CNTNAP5: variants seen among roughly 807,000 people sequenced by gnomAD.
The protein encoded by CNTNAP5 is contactin associated protein family member 5.
Under a neutral mutation model 150.2 loss-of-function variants are expected in CNTNAP5, and 72 were observed. The observed-to-expected ratio is 0.48, with a 90% CI of 0.40 to 0.58. The LOEUF (loss-of-function observed/expected upper bound fraction) is 0.58, where lower values mean the gene tolerates loss of function less well. Among genes scored for constraint, CNTNAP5 ranks in the 20% least tolerant of loss-of-function variants. The probability of loss-of-function intolerance (pLI) is 0.00; values close to 1 mark genes in which losing one functional copy is unlikely to be tolerated. For missense variants in CNTNAP5, 1,636 were observed against 1,626.2 expected, an observed-to-expected ratio of 1.01 and a Z score of -0.10; for synonymous variants, 672 against 619.8, an observed-to-expected ratio of 1.08 and a Z score of -1.25.
At chr2:124,088,925 A>G (rs1435134155) in intron 1 of CNTNAP5, among the ~76,000 whole-genome samples, 1 of 152,176 alleles carries the variant, frequency 6.6e-6, no homozygotes, top group Non-Finnish European at 1.5e-5. Flanking sequence ...TGGGTGTTTA[A>G]CCAGTCACAG....
intron 1 of CNTNAP5, among the ~76,000 whole-genome samples, chr2:124,055,657 C>T (rs1042595941): frequency 7.9e-5 from 12 of 152,074 alleles, no homozygotes; most frequent in Non-Finnish European, 1.5e-4. Context: ...CCCATCCTGA[C>T]CTGGACCTCA....
chr2:124,431,991 C>T (rs1573991348), intron 4 of CNTNAP5, among the ~76,000 whole-genome samples: 1 of 152,182 alleles, frequency 6.6e-6, no homozygotes, highest in Middle Eastern at 3.4e-3. Flanking sequence ...CAAGGGACCC[C>T]ACCTGCCATG....
chr2:124,855,860 C>G (rs184314714), intron 19 of CNTNAP5, among the ~76,000 whole-genome samples: 1 of 152,112 alleles, frequency 6.6e-6, no homozygotes, highest in African/African-American at 2.4e-5. Flanking sequence ...TATCCCTCAT[C>G]CCCCTTTCAC....
intron 13 of CNTNAP5, among the ~76,000 whole-genome samples, chr2:124,648,416 G>A (rs530681280): frequency 1.3e-5 from 2 of 152,152 alleles, no homozygotes; most frequent in South Asian, 4.1e-4. Context: ...TAAGGGGGCA[G>A]TGTTAGGCAG....
intron 3 of CNTNAP5, among the ~76,000 whole-genome samples, chr2:124,324,861 T>G (rs1449661135): frequency 6.6e-6 from 1 of 152,170 alleles, no homozygotes; most frequent in Non-Finnish European, 1.5e-5. Flanking sequence ...AAGGTTTTTG[T>G]AGTTCTATGA....
At chr2:124,315,638 A>T (rs576862634) in intron 3 of CNTNAP5, among the ~76,000 whole-genome samples, 1 of 152,086 alleles carries the variant, frequency 6.6e-6, no homozygotes, top group Non-Finnish European at 1.5e-5. Flanking sequence ...ATCTTGTTCA[A>T]CTTCTTTCTC....
At chr2:124,744,907 A>T (rs973994858) in intron 13 of CNTNAP5, among the ~76,000 whole-genome samples, 2 of 152,188 alleles carry the variant, frequency 1.3e-5, no homozygotes, top group African/African-American at 4.8e-5. Flanking sequence ...AAATCTAGCA[A>T]TAATCCTCCG....
At chr2:124,866,039 G>A (rs1159646483) in intron 20 of CNTNAP5, among the ~76,000 whole-genome samples, 1 of 150,402 alleles carries the variant, frequency 6.6e-6, no homozygotes, top group African/African-American at 2.5e-5. Flanking sequence ...TGAGGCAGGT[G>A]GATCACAAAG....
At chr2:124,242,539 G>T (rs1686913707) in intron 3 of CNTNAP5, 146 bp downstream of exon 3, 1 of 745,976 alleles carries the variant, frequency 1.3e-6, no homozygotes, top group East Asian at 2.7e-5. Context: ...AATTTTTAAG[G>T]CCCATGCCCG....
At position 124,587,226 on chromosome 2, in the gene CNTNAP5, C is replaced by T. The variant is rs57566555; in HGVS notation, c.1757-22575C>T. Among the ~76,000 whole-genome samples the T allele has an allele frequency of 6.5e-3, 995 of 152,204 alleles. 11 individuals are homozygous for T. The highest frequency in any genetic ancestry group is 0.023 in the African/African-American group (948 of 41,528). ...GTGCTATAATCATCTGTTCCATGACCATCTCCCTGTGCTGAATACATTTCT... is the reference window on the plus strand; with the variant it reads ...GTGCTATAATCATCTGTTCCATGACTATCTCCCTGTGCTGAATACATTTCT... On this transcript the variant is annotated intron_variant, in intron 11 of 23. Transcript: ENST00000682447.
At chr2:124,038,026 G>A (rs73954359) in intron 1 of CNTNAP5, among the ~76,000 whole-genome samples, 1,574 of 152,154 alleles carry the variant, frequency 0.01, 32 homozygotes, top group African/African-American at 0.036. Flanking sequence ...TTGTCTTCAC[G>A]CTGCAAGATT....
rs542566303 is a variant in CNTNAP5 at position 124,468,490 on chromosome 2, A to G, written c.919-6249A>G. 3.3e-5 allele frequency among the ~76,000 whole-genome samples: 5 copies of G among 152,172 alleles called. No homozygotes were observed. The East Asian group carries it at 9.7e-4, about 30-fold the overall frequency. The stretch of plus-strand genomic sequence containing the variant: ...CCATCTTCTTCTGTCTGGTTTTTCT[A>G]GCAGTTCCGGCAGTTGACTAGATGG... On this transcript the variant is annotated intron_variant, in intron 6 of 23. Coordinates refer to ENST00000682447, the MANE Select transcript of CNTNAP5 (RefSeq NM_001367498.1).
chr2:124,066,366 T>C (rs1682154481), intron 1 of CNTNAP5, among the ~76,000 whole-genome samples: 1 of 152,190 alleles, frequency 6.6e-6, no homozygotes. Context: ...ACATTGTACA[T>C]TTGGAGATTA....
intron 1 of CNTNAP5, among the ~76,000 whole-genome samples, chr2:124,028,260 A>G (rs1680951445): frequency 6.6e-6 from 1 of 151,660 alleles, no homozygotes; most frequent in Admixed American, 6.6e-5. Flanking sequence ...TATTATTCTT[A>G]TAATAATATG....
At position 124,401,420 on chromosome 2, in the gene CNTNAP5, G is replaced by C. The variant is rs189614573; in HGVS notation, c.382-16023G>C. ...ATCAGTTGTCATATTTTATCTTCTA[G>C]TACTAAGTGGCTCAGACACTTATCA... On this transcript the variant is annotated intron_variant, in intron 3 of 23. Coordinates refer to ENST00000682447, the MANE Select transcript of CNTNAP5 (RefSeq NM_001367498.1). Among the ~76,000 whole-genome samples the C allele has an allele frequency of 8.8e-4, 134 of 152,248 alleles. 1 individual carries two copies. The highest frequency in any genetic ancestry group is 3.1e-3 in the African/African-American group (128 of 41,544).
chr2:124,564,360 A>G (rs1162521166), intron 11 of CNTNAP5, among the ~76,000 whole-genome samples: 1 of 151,970 alleles, frequency 6.6e-6, no homozygotes, highest in Non-Finnish European at 1.5e-5. Flanking sequence ...TTATTTATTT[A>G]TTTATTTTTT....
chr2:124,900,620 G>C (rs1678396806), intron 21 of CNTNAP5, among the ~76,000 whole-genome samples: 1 of 151,468 alleles, frequency 6.6e-6, no homozygotes, highest in African/African-American at 2.4e-5. Flanking sequence ...CTTACATCTG[G>C]AGTATGTCAT....
At chr2:124,693,396 A>C (rs1185880764) in intron 13 of CNTNAP5, among the ~76,000 whole-genome samples, 2 of 152,128 alleles carry the variant, frequency 1.3e-5, no homozygotes, top group African/African-American at 4.8e-5. Context: ...TAATGTGTCC[A>C]AGACATTGTG....
rs572115742 is a variant in CNTNAP5, at chr2:124,823,760, C to T, written c.3217+25440C>T. On this transcript the variant is annotated intron_variant, in intron 19 of 23. Transcript: ENST00000682447. ...GTAATAGCCACAGAACCATGGAGGG[C>T]ATTGTATAGACTGAGCACAGTATAT... Among the ~76,000 whole-genome samples the T allele has an allele frequency of 6.6e-5, 10 of 152,172 alleles. No individual in the cohort carries two copies. In the East Asian group the frequency reaches 1.7e-3, roughly 27 times the overall value.
Sources: allele counts gnomAD v4.1 joint callset (sites outside exome capture counted in the v4.1 genomes callset), GRCh38; gene constraint gnomAD v4.1.1; transcripts MANE v1.5; gene names NCBI Gene and HGNC (gene_info 2026-07-23, HGNC 2026-07-21).